Variants in NELL2 observed in about 807,000 individuals in gnomAD.
NELL2 encodes protein kinase C-binding protein NELL2.
Under a neutral mutation model 109.6 loss-of-function variants are expected in NELL2, and 41 were observed. The ratio of observed to expected loss-of-function variants is 0.37; its 90% CI spans 0.29 to 0.49. The LOEUF is 0.49. Ranked by LOEUF, NELL2 falls within the 20% of genes least tolerant of loss-of-function variation. The probability of loss-of-function intolerance (pLI) is 0.98; values close to 1 mark genes in which losing one functional copy is unlikely to be tolerated. For synonymous variants in NELL2, 355 were observed against 344.7 expected, an observed-to-expected ratio of 1.03 and a Z score of -0.33; for missense variants, 900 against 1,008.3, an observed-to-expected ratio of 0.89 and a Z score of 1.45.
intron 15 of NELL2, among the ~76,000 whole-genome samples, chr12:44,570,278 CG>C (rs1270214398): frequency 3.9e-5 from 6 of 152,116 alleles, no homozygotes; most frequent in Non-Finnish European, 7.4e-5. Flanking sequence ...TCATGTGTGG[CG>C]ATGCTGGTGC....
At chr12:44,794,598 G>A (rs575544917) in intron 3 of NELL2, among the ~76,000 whole-genome samples, 1 of 152,162 alleles carries the variant, frequency 6.6e-6, no homozygotes, top group South Asian at 2.1e-4. Context: ...TCTAATTCTG[G>A]CATCACAGCC....
At chr12:44,883,374 C>CT (rs144458814) in intron 1 of NELL2, among the ~76,000 whole-genome samples, 1 of 79,506 alleles carries the variant, frequency 1.3e-5, no homozygotes, top group Non-Finnish European at 3.3e-5. Context: ...TCACACTACA[C>CT]TCTCTCTGGT....
intron 15 of NELL2, among the ~76,000 whole-genome samples, chr12:44,559,301 A>T (rs1943380404): frequency 6.6e-6 from 1 of 152,222 alleles, no homozygotes; most frequent in African/African-American, 2.4e-5. Flanking sequence ...TAGCATCACA[A>T]TGACAGCATC....
chr12:44,808,918 C>T (rs1943088841), intron 3 of NELL2, among the ~76,000 whole-genome samples: 1 of 151,978 alleles, frequency 6.6e-6, no homozygotes. Context: ...AAGATGATGA[C>T]AAACTACAGG....
rs551324089 is a variant in NELL2 at position 44,705,358 on chromosome 12, G to A, written c.1190-1504C>T. Among the ~76,000 whole-genome samples, 187 of 151,972 alleles carry A rather than the reference G, an allele frequency of 1.2e-3. 1 individual carries two copies. Among genetic ancestry groups the A allele is most frequent in the African/African-American group, 4.0e-3 (167 of 41,448 alleles). ...ATTTCTACAAAAATAAAATAAAATCGAACATAGGTTTATTAAGTCCAGAAA... is the reference window on the plus strand; with the variant it reads ...ATTTCTACAAAAATAAAATAAAATCAAACATAGGTTTATTAAGTCCAGAAA... On this transcript the variant is annotated intron_variant, in intron 11 of 19. Transcript: ENST00000429094.
At chr12:44,584,081 T>C (rs1341106459) in intron 15 of NELL2, among the ~76,000 whole-genome samples, 1 of 152,094 alleles carries the variant, frequency 6.6e-6, no homozygotes, top group Non-Finnish European at 1.5e-5. Context: ...GCCTTAAATA[T>C]CACTTCTTTA....
chr12:44,719,387 T>C (rs752202345), intron 9 of NELL2, among the ~76,000 whole-genome samples: 14 of 152,244 alleles, frequency 9.2e-5, no homozygotes, highest in Non-Finnish European at 1.9e-4. Flanking sequence ...GTAGAAAGAA[T>C]CATCTAAACC....
intron 1 of NELL2, among the ~76,000 whole-genome samples, chr12:44,902,060 G>A (rs756873311): frequency 9.9e-5 from 15 of 152,076 alleles, no homozygotes; most frequent in East Asian, 1.9e-4. Context: ...AGGGCAATCC[G>A]GCAAGAGAAA....
intron 13 of NELL2, among the ~76,000 whole-genome samples, chr12:44,662,572 A>G (rs1375181492): frequency 6.6e-6 from 1 of 152,234 alleles, no homozygotes; most frequent in African/African-American, 2.4e-5. Context: ...TTTTATGAAC[A>G]TGAGGAAAAT....
intron 13 of NELL2, among the ~76,000 whole-genome samples, chr12:44,620,068 T>C (rs745418328): frequency 2.0e-5 from 3 of 151,534 alleles, no homozygotes; most frequent in Non-Finnish European, 2.9e-5. Flanking sequence ...TTAATAGATA[T>C]AAGAGAGCCT....
At chr12:44,549,350 T>C (rs948860100) in intron 15 of NELL2, among the ~76,000 whole-genome samples, 4 of 152,120 alleles carry the variant, frequency 2.6e-5, no homozygotes, top group African/African-American at 7.2e-5. Context: ...ATTCTGCTGG[T>C]TGGATAGAAT....
intron 13 of NELL2, among the ~76,000 whole-genome samples, chr12:44,637,808 C>G (rs1337847547): frequency 6.6e-6 from 1 of 151,624 alleles, no homozygotes; most frequent in Admixed American, 6.6e-5. Context: ...TGATATGCAT[C>G]TTAATGAGAA....
chr12:44,800,001 G>A (rs889735501), intron 3 of NELL2, among the ~76,000 whole-genome samples: 21 of 152,168 alleles, frequency 1.4e-4, no homozygotes, highest in Admixed American at 1.0e-3. Flanking sequence ...GAATTTAATC[G>A]TATTTAATCA....
chr12:44,792,430 C>T (rs1383466817), intron 3 of NELL2, among the ~76,000 whole-genome samples: 3 of 151,502 alleles, frequency 2.0e-5, no homozygotes, highest in East Asian at 3.9e-4. Flanking sequence ...GGAAATTAGC[C>T]AAAATTGAAA....
At chr12:44,604,148 G>A (rs1417696213) in intron 15 of NELL2, among the ~76,000 whole-genome samples, 5 of 151,938 alleles carry the variant, frequency 3.3e-5, no homozygotes, top group African/African-American at 1.2e-4. Flanking sequence ...TGAATTCCTG[G>A]GACGAAGCAT....
chr12:44,546,348 T>C (rs1055273736), intron 15 of NELL2, among the ~76,000 whole-genome samples: 3 of 152,140 alleles, frequency 2.0e-5, no homozygotes, highest in East Asian at 1.9e-4. Flanking sequence ...GCGAGTGTCA[T>C]ATGCCTGACA....
chr12:44,540,427 G>A (rs192764595), intron 15 of NELL2, among the ~76,000 whole-genome samples: 34 of 152,124 alleles, frequency 2.2e-4, no homozygotes, highest in African/African-American at 3.4e-4. Context: ...ATAATTATTA[G>A]TGATTAATAA....
chr12:44,673,402 T>G (rs1405617917), intron 12 of NELL2, among the ~76,000 whole-genome samples: 1 of 152,224 alleles, frequency 6.6e-6, no homozygotes, highest in African/African-American at 2.4e-5. Flanking sequence ...CTGAGTATAT[T>G]CTATGTACAA....
At chr12:44,602,625 A>G (rs1347365949) in intron 15 of NELL2, among the ~76,000 whole-genome samples, 1 of 152,120 alleles carries the variant, frequency 6.6e-6, no homozygotes, top group African/African-American at 2.4e-5. Context: ...TTTCTCACAT[A>G]AAGATATATA....
Sources: allele counts gnomAD v4.1 joint callset (sites outside exome capture counted in the v4.1 genomes callset), GRCh38; gene constraint gnomAD v4.1.1; transcripts MANE v1.5; gene names NCBI Gene and HGNC (gene_info 2026-07-23, HGNC 2026-07-21).